Variants in PTPRR observed in about 807,000 individuals in gnomAD.
PTPRR encodes receptor-type tyrosine-protein phosphatase R.
A neutral mutation model predicts 77.2 loss-of-function variants in PTPRR; 38 were observed. The ratio of observed to expected loss-of-function variants is 0.49; its 90% CI spans 0.38 to 0.65. The LOEUF is 0.65. Ranked by LOEUF, PTPRR falls within the 30% of genes least tolerant of loss-of-function variation. The probability of loss-of-function intolerance (pLI) is 0.00; values close to 1 mark genes in which losing one functional copy is unlikely to be tolerated. For missense variants in PTPRR, 744 were observed against 799.2 expected, an observed-to-expected ratio of 0.93 and a Z score of 0.83; for synonymous variants, 299 against 283.1, an observed-to-expected ratio of 1.06 and a Z score of -0.57.
rs1216451143 is a variant in PTPRR at position 70,742,083 on chromosome 12, G to A, written c.1007+3735C>T. Among the ~76,000 whole-genome samples, 4 of 152,238 alleles carry A rather than the reference G, an allele frequency of 2.6e-5. No homozygotes were observed. The East Asian group carries it at 7.7e-4, about 29-fold the overall frequency. On this transcript the variant is annotated intron_variant, in intron 6 of 13. Coordinates refer to ENST00000283228, the MANE Select transcript of PTPRR (RefSeq NM_002849.4). Reference sequence around the variant, plus strand: ...GAACAACATGGTGGTAACTGTCCTGGGAATACTTATGAGAACCAAAGAGAT... The same window carrying A: ...GAACAACATGGTGGTAACTGTCCTGAGAATACTTATGAGAACCAAAGAGAT...
chr12:70,639,257 C>T lies in PTPRR; in HGVS notation c.1901G>A (p.Ser634Asn), dbSNP rs758983776. The change falls in exon 14 of 14, where the codon AGT becomes AAT. Residue 634 changes from serine (S) to asparagine (N), a missense_variant. By Grantham distance (46) the Ser-to-Asn change is conservative (BLOSUM62 1). Transcript: ENST00000283228. ...RMDRGGMVQT[S>N]EQYEFVHHAL... is the part of the protein sequence containing the mutation. The stretch of plus-strand genomic sequence containing the variant: ...ATGGTGCACAAATTCATACTGCTCA[C>T]TGGTTTGCACCATTCCACCTCTGCA... The T allele has an allele frequency of 1.2e-6, 2 of 1,613,386 alleles. No individual in the cohort carries two copies. Among genetic ancestry groups the T allele is most frequent in the South Asian group, 2.2e-5 (2 of 91,070 alleles).
intron 13 of PTPRR, among the ~76,000 whole-genome samples, chr12:70,643,468 C>G (rs78395318): frequency 0.084 from 12,737 of 152,112 alleles, 791 homozygotes; most frequent in Admixed American, 0.15. Context: ...AGCCACCATG[C>G]CTGGCAAATG....
chr12:70,643,595 C>T (rs1275454515), intron 13 of PTPRR, among the ~76,000 whole-genome samples: 1 of 152,110 alleles, frequency 6.6e-6, no homozygotes, highest in Non-Finnish European at 1.5e-5. Context: ...AACTATGGAA[C>T]TCTCAAGAGA....
intron 10 of PTPRR, chr12:70,672,705 C>A: frequency 6.5e-7 from 1 of 1,545,418 alleles, no homozygotes; most frequent in Non-Finnish European, 8.8e-7. Flanking sequence ...TAGCGTGGGT[C>A]TCCCAGTTTG....
chr12:70,701,603 T>C (rs1446633609), intron 6 of PTPRR, among the ~76,000 whole-genome samples: 2 of 152,190 alleles, frequency 1.3e-5, no homozygotes, highest in African/African-American at 4.8e-5. Flanking sequence ...GCTAATAATA[T>C]TAAGTGAAAA....
intron 3 of PTPRR, among the ~76,000 whole-genome samples, chr12:70,762,673 T>C (rs1409735562): frequency 6.6e-6 from 1 of 152,224 alleles, no homozygotes; most frequent in Admixed American, 6.5e-5. Flanking sequence ...TTTATCTCAT[T>C]TATTGCTCAA....
At chr12:70,818,026 A>C (rs997211836) in intron 2 of PTPRR, among the ~76,000 whole-genome samples, 4 of 152,130 alleles carry the variant, frequency 2.6e-5, no homozygotes, top group Admixed American at 1.3e-4. Context: ...AGCCTGACCA[A>C]CATGGTGAAA....
intron 2 of PTPRR, among the ~76,000 whole-genome samples, chr12:70,872,234 G>A (rs190276773): frequency 6.6e-6 from 1 of 152,020 alleles, no homozygotes; most frequent in East Asian, 1.9e-4. Flanking sequence ...TATTTCTATA[G>A]AAGATCACAT....
In PTPRR at chr12:70,903,349, C is replaced by T. The variant is rs114201667; in HGVS notation, c.59-10372G>A. Among the ~76,000 whole-genome samples the T allele has an allele frequency of 2.4e-3, 363 of 151,776 alleles. 2 individuals carry two copies. Among genetic ancestry groups the T allele is most frequent in the African/African-American group, 8.5e-3 (352 of 41,482 alleles). ...CCTGTATATCTATATAAAAACATCA[C>T]ATTTTACCCCATACATAAAATTATG... On this transcript the variant is annotated intron_variant, in intron 1 of 13. Coordinates refer to ENST00000283228, the MANE Select transcript of PTPRR (RefSeq NM_002849.4).
Position 70,859,188 on chromosome 12 carries a change from A to C in PTPRR, c.357+33491T>G, listed in dbSNP as rs545418258. On this transcript the variant is annotated intron_variant, in intron 2 of 13. Transcript: ENST00000283228. ...TAAACAGATGAATGACTGGTTGTTA[A>C]GGGGAGAAGAGAATAAGATATAGAA... is the stretch of plus-strand genomic sequence containing the variant. Among the ~76,000 whole-genome samples the C allele has an allele frequency of 7.8e-4, 118 of 152,156 alleles. 1 individual carries two copies. The highest frequency in any genetic ancestry group is 1.4e-3 in the Non-Finnish European group (98 of 67,984).
chr12:70,654,642 C>T (rs1335959298), intron 13 of PTPRR, among the ~76,000 whole-genome samples: 1 of 152,200 alleles, frequency 6.6e-6, no homozygotes, highest in Non-Finnish European at 1.5e-5. Flanking sequence ...TGTTTTATTA[C>T]TTCACAGCAT....
chr12:70,860,924 AT>A (rs1441467366), intron 2 of PTPRR, among the ~76,000 whole-genome samples: 2 of 151,954 alleles, frequency 1.3e-5, no homozygotes, highest in African/African-American at 4.8e-5. Context: ...TGCTTGTTTT[AT>A]TTTTATTTTT....
chr12:70,706,046 C>A (rs1204861309), intron 6 of PTPRR, among the ~76,000 whole-genome samples: 1 of 150,020 alleles, frequency 6.7e-6, no homozygotes, highest in African/African-American at 2.4e-5. Flanking sequence ...AAAAAAAAAA[C>A]AAGTTTTTGC....
chr12:70,781,104 C>T (rs1408680604), intron 2 of PTPRR, among the ~76,000 whole-genome samples: 2 of 152,160 alleles, frequency 1.3e-5, no homozygotes, highest in Non-Finnish European at 2.9e-5. Flanking sequence ...ATATAATTGA[C>T]ATTTTGATCT....
chr12:70,839,087 T>A (rs1004870275), intron 2 of PTPRR, among the ~76,000 whole-genome samples: 1 of 152,106 alleles, frequency 6.6e-6, no homozygotes, highest in African/African-American at 2.4e-5. Context: ...CTTTTCTTTA[T>A]CTATAAACTA....
chr12:70,746,182 A>G lies in PTPRR; in HGVS notation c.739-96T>C, dbSNP rs987675192. 14 of 1,173,520 alleles carry G rather than the reference A, an allele frequency of 1.2e-5. No homozygotes were observed. The African/African-American group carries it at 1.9e-4, about 16-fold the overall frequency. 72.7% of individuals were successfully genotyped at this position (1,173,520 alleles called of 1,614,324 possible). A position where few individuals can be genotyped will look rare whatever the true frequency, so the allele number is the denominator to read the frequency against. ...CCACCCTGGCCGACAAACCAAAATA[A>G]AGGCTTAACGATAAAGTAAACAAAG... On this transcript the variant is annotated intron_variant, in intron 5 of 13. Transcript: ENST00000283228.
At chr12:70,846,421 G>A (rs1892484342) in intron 2 of PTPRR, among the ~76,000 whole-genome samples, 1 of 152,102 alleles carries the variant, frequency 6.6e-6, no homozygotes, top group African/African-American at 2.4e-5. Flanking sequence ...GCATGGGTAG[G>A]CACTTAAGAC....
chr12:70,675,480 G>A (rs1400469478), intron 10 of PTPRR, among the ~76,000 whole-genome samples: 1 of 151,776 alleles, frequency 6.6e-6, no homozygotes, highest in African/African-American at 2.4e-5. Context: ...ATTTGAACAT[G>A]CATATTTACC....
At chr12:70,730,941 A>AAGGAAAGAGAG (rs987224194) in intron 6 of PTPRR, among the ~76,000 whole-genome samples, 4 of 148,580 alleles carry the variant, frequency 2.7e-5, no homozygotes, top group East Asian at 2.0e-4. Context: ...AGACAGAAGG[A>AAGGAAAGAGAG]AGGAAAGAGA....
Sources: allele counts gnomAD v4.1 joint callset (sites outside exome capture counted in the v4.1 genomes callset), GRCh38; gene constraint gnomAD v4.1.1; transcripts MANE v1.5; gene names NCBI Gene and HGNC (gene_info 2026-07-23, HGNC 2026-07-21).